The following ZNF324B variants were observed in gnomAD, a reference collection of about 807,000 sequenced individuals.
ZNF324B encodes zinc finger protein 324B.
ZNF324B carries 7 observed loss-of-function variants against 10.6 expected under a neutral mutation model. The ratio of observed to expected loss-of-function variants is 0.66; its 90% CI spans 0.38 to 1.24. ZNF324B has a LOEUF of 1.24. Among genes scored for constraint, ZNF324B ranks in the 50% most tolerant of loss-of-function variants. The probability of loss-of-function intolerance (pLI) is 0.02; values close to 1 mark genes in which losing one functional copy is unlikely to be tolerated. For synonymous variants in ZNF324B, 316 were observed against 321.0 expected (o/e 0.98, Z 0.17); for missense variants, 640 against 764.7 (o/e 0.84, Z 1.92).
chr19:58,451,569 G>C (rs556963682), upstream of ZNF324B: 1 of 515,858 alleles, frequency 1.9e-6, no homozygotes, highest in African/African-American at 1.9e-5. Context: ...AAGCGTCTGC[G>C]CGCGTATTGG....
chr19:58,456,670 GA>G lies in ZNF324B; in HGVS notation c.*95del. On this transcript the variant is annotated 3_prime_UTR_variant, in exon 4 of 4. Coordinates refer to ENST00000336614, the MANE Select transcript of ZNF324B (RefSeq NM_207395.3). The surrounding 1 kb of genome is among the most constrained non-coding windows in gnomAD (Gnocchi z 4.7). ...GAGTGCTCTTCAGATCCACGATGGGGAAAAGCTCTGTGCCTGAGAGTCAGGG... is the reference window on the plus strand; with the variant it reads ...GAGTGCTCTTCAGATCCACGATGGGGAAAGCTCTGTGCCTGAGAGTCAGGG... 1 of 1,440,552 alleles carries G rather than the reference GA, an allele frequency of 6.9e-7. No individual in the cohort carries two copies. 89.2% of individuals were successfully genotyped at this position (1,440,552 alleles called of 1,614,324 possible).
chr19:58,454,107 C>T, intron 2 of ZNF324B, 121 bp from the exon 3 acceptor site: 1 of 737,860 alleles, frequency 1.4e-6, no homozygotes, highest in Non-Finnish European at 2.3e-6. Context: ...CCTGTGCTAT[C>T]TTTAGATTCT....
the ZNF324B span, chr19:58,432,369 C>G: frequency 3.9e-6 from 2 of 507,278 alleles, no homozygotes; most frequent in African/African-American, 1.9e-5. Flanking sequence ...TTCTGCACAC[C>G]CTCACCCTGC....
chr19:58,422,593 T>G, the ZNF324B span, among the ~76,000 whole-genome samples: 1 of 152,202 alleles, frequency 6.6e-6, no homozygotes, highest in Non-Finnish European at 1.5e-5. Context: ...TCAGTAGTGT[T>G]TCTATACACC....
At chr19:58,434,561 C>G in the ZNF324B span, 2 of 1,613,988 alleles carry the variant, frequency 1.2e-6, no homozygotes, top group Non-Finnish European at 8.5e-7. Flanking sequence ...TTCCCACACT[C>G]CTTACACACA....
chr19:58,428,753 G>A, the ZNF324B span: 1 of 152,326 alleles, frequency 6.6e-6, no homozygotes, highest in East Asian at 1.9e-4. Context: ...GGAAGTTTCT[G>A]ATGTGCGTTT....
chr19:58,433,830 A>T, the ZNF324B span: 3 of 1,614,142 alleles, frequency 1.9e-6, no homozygotes, highest in Non-Finnish European at 2.5e-6. Flanking sequence ...GCTTTTCTCC[A>T]GTGTGAATTC....
At chr19:58,424,213 C>T in the ZNF324B span, among the ~76,000 whole-genome samples, 1 of 152,118 alleles carries the variant, frequency 6.6e-6, no homozygotes, top group Admixed American at 6.6e-5. Context: ...CGCACCATTG[C>T]ACTCCAGCCT....
At chr19:58,432,021 T>C in the ZNF324B span, among the ~76,000 whole-genome samples, 4 of 152,144 alleles carry the variant, frequency 2.6e-5, no homozygotes, top group Middle Eastern at 0.01. Context: ...AAACACCATA[T>C]TCTACAAGGT....
chr19:58,418,892 G>A, the ZNF324B span: 1 of 152,336 alleles, frequency 6.6e-6, no homozygotes, highest in East Asian at 1.9e-4. Flanking sequence ...TTATAGTTGT[G>A]AGCCACTGTG....
chr19:58,420,277 G>A, the ZNF324B span, among the ~76,000 whole-genome samples: 3 of 152,208 alleles, frequency 2.0e-5, no homozygotes, highest in East Asian at 1.9e-4. Context: ...AAATTAGCCC[G>A]GCATGGTGAC....
At chr19:58,431,204 G>C in the ZNF324B span, 1 of 152,354 alleles carries the variant, frequency 6.6e-6, no homozygotes, top group Non-Finnish European at 1.5e-5. Context: ...TTTCTACCTG[G>C]AGTACACTGC....
chr19:58,424,167 T>C, the ZNF324B span, among the ~76,000 whole-genome samples: 2 of 152,064 alleles, frequency 1.3e-5, no homozygotes, highest in Non-Finnish European at 2.9e-5. Flanking sequence ...GAGAATAGCT[T>C]GAACCCAGGA....
chr19:58,455,252 C>A lies in ZNF324B; in HGVS notation c.308C>A (p.Pro103His). Residue 103 changes from proline (P) to histidine (H), a missense_variant, in exon 4 of 4, where the codon CCT (proline) becomes CAT (histidine). Around this residue, in one of 3 missense-constraint regions of ZNF324B, gnomAD observed 345 missense variants for 387.9 expected, o/e 0.89. Transcript: ENST00000336614. The surrounding 1 kb of genome is among the most constrained non-coding windows in gnomAD (Gnocchi z 7.0). Reference protein sequence around the residue: ...EWPRAFPDTPPGMTTSVFPVA... With the variant: ...EWPRAFPDTPHGMTTSVFPVA... ...CCACGAGCTTTCCCAGATACCCCAC[C>A]TGGGATGACTACTAGCGTCTTCCCA... is the stretch of plus-strand genomic sequence containing the variant. 1 of 1,614,216 alleles carries A rather than the reference C, an allele frequency of 6.2e-7. No individual in the cohort carries two copies. Among genetic ancestry groups the A allele is most frequent in the South Asian group, 1.1e-5 (1 of 91,092 alleles).
chr19:58,427,386 CTTT>C, the ZNF324B span, among the ~76,000 whole-genome samples: 2 of 41,960 alleles, frequency 4.8e-5, no homozygotes, highest in African/African-American at 1.4e-4. Context: ...TTCTTTCTTT[CTTT>C]CTTTCTTTCT....
the ZNF324B span, chr19:58,433,471 A>G: frequency 8.7e-6 from 14 of 1,613,464 alleles, no homozygotes; most frequent in Non-Finnish European, 1.2e-5. Context: ...TCCACACTGG[A>G]TGCACTCATA....
chr19:58,438,467 G>C, the ZNF324B span, among the ~76,000 whole-genome samples: 1 of 146,586 alleles, frequency 6.8e-6, no homozygotes, highest in Admixed American at 6.8e-5. Context: ...AAAGATCTAA[G>C]GTCAATTTTT....
chr19:58,427,434 CCTT>C, the ZNF324B span, among the ~76,000 whole-genome samples: 1 of 31,308 alleles, frequency 3.2e-5, no homozygotes, highest in African/African-American at 1.7e-4. Flanking sequence ...TTCCTTCCTT[CCTT>C]CCTTCCTTTC....
In ZNF324B at chr19:58,457,228, C is replaced by T. The variant is rs2052931950; in HGVS notation, c.*649C>T. 1 of 153,778 alleles carries T rather than the reference C, an allele frequency of 6.5e-6. No individual in the cohort carries two copies. The allele number at this position is 153,778 out of a possible 1,614,324, so 9.5% of individuals were successfully genotyped here. A position where few individuals can be genotyped will look rare whatever the true frequency, so the allele number is the denominator to read the frequency against. On this transcript the variant is annotated 3_prime_UTR_variant, in exon 4 of 4. Coordinates refer to ENST00000336614, the MANE Select transcript of ZNF324B (RefSeq NM_207395.3). ...TGTGTGCTCACTGCCAGCTCCTGGGCTGTGCTCTGGTCAGCCAGGTGTGAG... is the reference window on the plus strand; with the variant it reads ...TGTGTGCTCACTGCCAGCTCCTGGGTTGTGCTCTGGTCAGCCAGGTGTGAG...
Sources: gnomAD v4.1 joint callset for allele counts (sites outside exome capture counted in the v4.1 genomes callset) on GRCh38, gnomAD v4.1.1 for gene constraint, gnomAD v4.1.1 regional missense constraint, Gnocchi (gnomAD v3.1) non-coding constraint, MANE v1.5 for transcripts, NCBI Gene and HGNC (gene_info 2026-07-23, HGNC 2026-07-21) for gene names.